ZNF385D: variants seen among roughly 807,000 people sequenced by gnomAD.
ZNF385D encodes the protein zinc finger protein 385D, also known as zinc finger protein 659.
In ZNF385D, 15 loss-of-function variants were observed where a neutral mutation model predicts 35.8. The observed-to-expected ratio is 0.42, with a 90% CI of 0.28 to 0.64. The LOEUF is 0.64. Among genes scored for constraint, ZNF385D ranks in the 30% least tolerant of loss-of-function variants. ZNF385D has a pLI of 0.23. For synonymous variants in ZNF385D, 212 were observed against 186.8 expected, an observed-to-expected ratio of 1.13 and a Z score of -1.10; for missense variants, 474 against 494.6, an observed-to-expected ratio of 0.96 and a Z score of 0.39.
At chr3:22,259,236 A>G (rs1208040194) in intron 2 of ZNF385D, among the ~76,000 whole-genome samples, 2 of 151,916 alleles carry the variant, frequency 1.3e-5, no homozygotes, top group Non-Finnish European at 2.9e-5. Flanking sequence ...ATGTAATAAT[A>G]TCATCTCTGA....
At chr3:21,449,779 G>A (rs533912317) in intron 4 of ZNF385D, among the ~76,000 whole-genome samples, 1 of 152,142 alleles carries the variant, frequency 6.6e-6, no homozygotes, top group Non-Finnish European at 1.5e-5. Context: ...GACTAATTTC[G>A]TTCACATCCT....
chr3:22,045,850 A>G (rs962707981), intron 3 of ZNF385D, among the ~76,000 whole-genome samples: 4 of 151,946 alleles, frequency 2.6e-5, no homozygotes, highest in Non-Finnish European at 4.4e-5. Flanking sequence ...GAGAAGTAAA[A>G]CTCAAAACTC....
chr3:21,504,193 T>C (rs1161458621), intron 4 of ZNF385D, among the ~76,000 whole-genome samples: 1 of 152,176 alleles, frequency 6.6e-6, no homozygotes, highest in Non-Finnish European at 1.5e-5. Context: ...TCCTGATTGA[T>C]AGTCACTGAA....
chr3:21,742,195 G>C (rs1455609740), intron 1 of ZNF385D, among the ~76,000 whole-genome samples: 1 of 152,182 alleles, frequency 6.6e-6, no homozygotes, highest in African/African-American at 2.4e-5. Flanking sequence ...CTTTTCAACT[G>C]ATTGTATTAA....
In ZNF385D at chr3:21,420,636, T is replaced by C. The variant is rs761315329; in HGVS notation, c.*578A>G. The stretch of plus-strand genomic sequence containing the variant: ...TCTACCTTTGCAATTCTTTAAAACC[T>C]AGTGGCATAGATTGAGACACAGCAC... On this transcript the variant is annotated 3_prime_UTR_variant, in exon 8 of 8. Transcript: ENST00000281523. The C allele has an allele frequency of 6.6e-6, 1 of 152,358 alleles. No homozygotes were observed. The highest frequency in any genetic ancestry group is 1.5e-5 in the Non-Finnish European group (1 of 68,156). 9.4% of individuals were successfully genotyped at this position (152,358 alleles called of 1,614,324 possible).
intron 3 of ZNF385D, among the ~76,000 whole-genome samples, chr3:22,042,039 G>A (rs1012013046): frequency 6.6e-6 from 1 of 152,164 alleles, no homozygotes; most frequent in African/African-American, 2.4e-5. Context: ...AAACATAGTG[G>A]TGTTAATTAG....
At chr3:21,456,041 A>G (rs914461976) in intron 4 of ZNF385D, among the ~76,000 whole-genome samples, 89 of 152,322 alleles carry the variant, frequency 5.8e-4, no homozygotes, top group African/African-American at 2.1e-3. Context: ...ATGAGATACC[A>G]TCTCACACCA....
At chr3:22,353,559 C>G (rs1696012905) in intron 2 of ZNF385D, among the ~76,000 whole-genome samples, 1 of 152,108 alleles carries the variant, frequency 6.6e-6, no homozygotes, top group East Asian at 1.9e-4. Context: ...GAGATCAATC[C>G]TATGTCCTCG....
intron 2 of ZNF385D, among the ~76,000 whole-genome samples, chr3:22,169,864 G>A (rs939445727): frequency 6.6e-5 from 10 of 152,118 alleles, no homozygotes; most frequent in African/African-American, 2.4e-4. Context: ...GCATGATCTT[G>A]GCTCAGCACA....
At chr3:21,477,578 T>C (rs1704337400) in intron 4 of ZNF385D, among the ~76,000 whole-genome samples, 1 of 152,152 alleles carries the variant, frequency 6.6e-6, no homozygotes, top group Non-Finnish European at 1.5e-5. Flanking sequence ...GTTAGATTTG[T>C]CTCCCTGATG....
Position 21,412,658 on chromosome 3 carries a change from G to C in ZNF385D, c.*8556C>G, listed in dbSNP as rs1373429632. On this transcript the variant is annotated 3_prime_UTR_variant, in exon 8 of 8. Transcript: ENST00000281523. ...AAAGAGAGAGGATATAATGGCTAAG[G>C]ATGTTCCTAGAGCTGCTGAAGGAAC... is the stretch of plus-strand genomic sequence containing the variant. The C allele has an allele frequency of 1.3e-5, 2 of 151,996 alleles. No homozygotes were observed. The highest frequency in any genetic ancestry group is 4.8e-5 in the African/African-American group (2 of 41,402). The allele number at this position is 151,996 out of a possible 1,614,324, so 9.4% of individuals were successfully genotyped here. A position where few individuals can be genotyped will look rare whatever the true frequency, so the allele number is the denominator to read the frequency against.
intron 1 of ZNF385D, among the ~76,000 whole-genome samples, chr3:21,694,053 T>TTTTTTTTTTTTTTTTTTTC (rs2067382955): frequency 1.0e-5 from 1 of 96,280 alleles, no homozygotes; most frequent in South Asian, 3.7e-4. Context: ...TTTTTTTTTT[T>TTTTTTTTTTTTTTTTTTTC]TTTTTTTTGA....
chr3:21,418,036 C>T lies in ZNF385D; in HGVS notation c.*3178G>A, dbSNP rs1169866059. ...TATCATGTGTAATTGCCTGTTTTCT[C>T]ATAAGAGAAATACAGTACCTCCCCA... On this transcript the variant is annotated 3_prime_UTR_variant, in exon 8 of 8. Coordinates refer to ENST00000281523, the MANE Select transcript of ZNF385D (RefSeq NM_024697.3). The T allele has an allele frequency of 6.6e-6, 1 of 152,128 alleles. No homozygotes were observed. The highest frequency in any genetic ancestry group is 1.5e-5 in the Non-Finnish European group (1 of 67,996). 9.4% of individuals were successfully genotyped at this position (152,128 alleles called of 1,614,324 possible).
At chr3:21,432,097 C>A (rs769935766) in intron 5 of ZNF385D, among the ~76,000 whole-genome samples, 4 of 152,010 alleles carry the variant, frequency 2.6e-5, no homozygotes, top group Non-Finnish European at 5.9e-5. Context: ...TAGAATTGTG[C>A]GGGACAGATT....
chr3:21,792,366 G>A (rs1158692778), intron 3 of ZNF385D, among the ~76,000 whole-genome samples: 1 of 152,078 alleles, frequency 6.6e-6, no homozygotes, highest in Non-Finnish European at 1.5e-5. Flanking sequence ...CCCCACTACA[G>A]CCCTCAGACT....
intron 3 of ZNF385D, among the ~76,000 whole-genome samples, chr3:21,782,348 A>C (rs984472068): frequency 2.6e-5 from 4 of 152,116 alleles, no homozygotes; most frequent in Non-Finnish European, 5.9e-5. Context: ...TGCTACCTGG[A>C]GGAAATTCAG....
intron 3 of ZNF385D, among the ~76,000 whole-genome samples, chr3:21,771,810 T>C (rs1054500268): frequency 3.3e-5 from 5 of 151,848 alleles, no homozygotes; most frequent in African/African-American, 1.2e-4. Context: ...GATGGAGGAC[T>C]CACACTTACT....
At chr3:21,684,410 TC>T (rs2067034397) in intron 1 of ZNF385D, among the ~76,000 whole-genome samples, 1 of 76,116 alleles carries the variant, frequency 1.3e-5, no homozygotes, top group Non-Finnish European at 2.8e-5. Context: ...CTCTCCTCTC[TC>T]TCTCTCTCTC....
intron 3 of ZNF385D, among the ~76,000 whole-genome samples, chr3:22,092,029 C>T (rs1314023733): frequency 6.6e-6 from 1 of 152,100 alleles, no homozygotes; most frequent in Admixed American, 6.6e-5. Flanking sequence ...ACATTTATAA[C>T]TTATTAGGTG....
Sources: allele counts gnomAD v4.1 joint callset (sites outside exome capture counted in the v4.1 genomes callset), GRCh38; gene constraint gnomAD v4.1.1; transcripts MANE v1.5; gene names NCBI Gene and HGNC (gene_info 2026-07-23, HGNC 2026-07-21).